The following MIAT variants were observed in gnomAD, a reference collection of about 807,000 sequenced individuals.
The protein encoded by MIAT is myocardial infarction associated transcript, also known as MI related novel mRNA.
At chr22:26,672,073 C>T (rs913382902), downstream of MIAT, 6 of 399,330 alleles carry the variant, frequency 1.5e-5, 1 homozygote, top group East Asian at 1.1e-4. Context: ...AACTGCACCC[C>T]GATCATCCCT....
chr22:26,652,988 G>C (rs1376242363), intron 2 of MIAT, among the ~76,000 whole-genome samples: 2 of 152,158 alleles, frequency 1.3e-5, no homozygotes. Flanking sequence ...TATGTCCTAA[G>C]TCTACCCACA....
intron 2 of MIAT, among the ~76,000 whole-genome samples, chr22:26,649,244 C>G (rs998764987): frequency 2.0e-5 from 3 of 152,144 alleles, no homozygotes; most frequent in African/African-American, 7.2e-5. Flanking sequence ...TACCCAAAGT[C>G]ACATGGTGGG....
At chr22:26,648,747 C>G (rs567073991) in intron 2 of MIAT, among the ~76,000 whole-genome samples, 2 of 152,332 alleles carry the variant, frequency 1.3e-5, no homozygotes, top group South Asian at 4.1e-4. Flanking sequence ...AGAACAGCAA[C>G]TGTGTCTGTG....
downstream of MIAT, chr22:26,671,335 C>A (rs1212143705): frequency 7.5e-6 from 3 of 398,714 alleles, no homozygotes; most frequent in East Asian, 3.6e-5. Context: ...CCTGGTCAGG[C>A]CCCACTCCCT....
chr22:26,667,747 C>T lies in MIAT; in HGVS notation n.2263-411C>T, dbSNP rs530257858. ...AGGCTAGAGTACAGTGTTATGATCA[C>T]GGCTCACTGCAGCCTTGAACTCCAG... On this transcript the variant is annotated intron_variant and non_coding_transcript_variant, in intron 5 of 5. Transcript: ENST00000643270. 6.3e-4 allele frequency: 107 copies of T among 168,936 alleles called. 1 individual carries two copies. The highest frequency in any genetic ancestry group is 2.2e-3 in the African/African-American group (93 of 42,292). 10.5% of individuals were successfully genotyped at this position (168,936 alleles called of 1,614,324 possible). A position where few individuals can be genotyped will look rare whatever the true frequency, so the allele number is the denominator to read the frequency against.
downstream of MIAT, chr22:26,673,143 C>G: frequency 2.5e-6 from 1 of 398,596 alleles, no homozygotes; most frequent in Non-Finnish European, 4.4e-6. Context: ...AAGTGGGGAG[C>G]AAGAAGTGAA....
chr22:26,668,046 T>G (rs1019230842), intron 5 of MIAT: 1 of 397,440 alleles, frequency 2.5e-6, no homozygotes, highest in African/African-American at 2.1e-5. Context: ...CATGAGAGAC[T>G]GGGGGGATCT....
chr22:26,664,320 C>A (rs1930772229), intron 3 of MIAT, among the ~76,000 whole-genome samples: 1 of 152,090 alleles, frequency 6.6e-6, no homozygotes, highest in Non-Finnish European at 1.5e-5. Context: ...GCTCATACTT[C>A]CTGTTGCATG....
exon 5 of MIAT, chr22:26,675,773 T>G (rs1377578372): frequency 2.5e-6 from 1 of 398,582 alleles, no homozygotes; most frequent in African/African-American, 2.1e-5. Context: ...AGCCCATTTG[T>G]CATGCATGGC....
At chr22:26,654,511 A>G (rs950849104) in intron 2 of MIAT, among the ~76,000 whole-genome samples, 1 of 152,162 alleles carries the variant, frequency 6.6e-6, no homozygotes, top group African/African-American at 2.4e-5. Flanking sequence ...ATGCCAAATT[A>G]TATTTCCCTT....
chr22:26,662,726 A>G (rs1244493050), intron 2 of MIAT, among the ~76,000 whole-genome samples: 1 of 152,148 alleles, frequency 6.6e-6, no homozygotes, highest in Non-Finnish European at 1.5e-5. Flanking sequence ...TACGTCTCAG[A>G]TCTCCGAGTA....
intron 2 of MIAT, chr22:26,657,407 G>C: frequency 2.5e-6 from 1 of 398,048 alleles, no homozygotes; most frequent in Non-Finnish European, 4.4e-6. Flanking sequence ...CGGGAGGAGG[G>C]TGGAGGTGAG....
chr22:26,650,874 T>C (rs961470173), intron 2 of MIAT, among the ~76,000 whole-genome samples: 3 of 152,226 alleles, frequency 2.0e-5, no homozygotes, highest in Non-Finnish European at 2.9e-5. Flanking sequence ...TCAGGTTTAC[T>C]ACACACATTC....
chr22:26,661,424 G>A (rs556505440), intron 2 of MIAT, among the ~76,000 whole-genome samples: 11 of 152,176 alleles, frequency 7.2e-5, no homozygotes, highest in Non-Finnish European at 1.6e-4. Flanking sequence ...TACCAGATGA[G>A]TCATGGAAGG....
chr22:26,658,585 C>T lies in MIAT; in HGVS notation n.647-4731C>T, dbSNP rs980654307. On this transcript the variant is annotated intron_variant and non_coding_transcript_variant, in intron 2 of 5. Coordinates refer to ENST00000643270, the Ensembl canonical transcript of MIAT. ...GGGAAGAAAGGGGCCAGACCTTTCC[C>T]CTCTTCCAGCGGAGGGCCCTGGGGT... Among the ~76,000 whole-genome samples the T allele has an allele frequency of 1.3e-5, 2 of 152,274 alleles. 1 individual carries two copies. The highest frequency in any genetic ancestry group is 1.3e-4 in the Admixed American group (2 of 15,302).
chr22:26,673,545 C>T (rs1486264401), downstream of MIAT: 1 of 398,600 alleles, frequency 2.5e-6, no homozygotes, highest in Non-Finnish European at 4.4e-6. Flanking sequence ...TCAGCAGAAA[C>T]TAATGGTTTG....
chr22:26,665,088 T>A (rs1459724731), intron 3 of MIAT, among the ~76,000 whole-genome samples: 1 of 151,160 alleles, frequency 6.6e-6, no homozygotes, highest in African/African-American at 2.4e-5. Flanking sequence ...AAAAAAAAAA[T>A]AAGTTAGCCG....
chr22:26,648,919 G>A (rs1930287913), intron 2 of MIAT, among the ~76,000 whole-genome samples: 1 of 133,468 alleles, frequency 7.5e-6, no homozygotes, highest in Non-Finnish European at 1.6e-5. Context: ...GGGAGAGAGC[G>A]AGAGAGCGAG....
intron 2 of MIAT, among the ~76,000 whole-genome samples, chr22:26,662,113 C>T (rs558207822): frequency 5.9e-5 from 9 of 151,770 alleles, no homozygotes; most frequent in African/African-American, 9.7e-5. Flanking sequence ...CACATAACCA[C>T]GCCCAGCTAA....
Sources: allele counts gnomAD v4.1 joint callset (sites outside exome capture counted in the v4.1 genomes callset), GRCh38; gene constraint gnomAD v4.1.1; transcripts MANE v1.5; gene names NCBI Gene and HGNC (gene_info 2026-07-23, HGNC 2026-07-21).